The following RIN3 variants were observed in gnomAD, a reference collection of about 807,000 sequenced individuals.
RIN3 encodes the protein RAB5 interacting protein 3.
Under a neutral mutation model 76.3 loss-of-function variants are expected in RIN3, and 54 were observed. The ratio of observed to expected loss-of-function variants is 0.71; its 90% CI spans 0.57 to 0.89. The LOEUF (loss-of-function observed/expected upper bound fraction) is 0.89, where lower values mean the gene tolerates loss of function less well. RIN3 is among the 40% of genes least tolerant of loss of function. The pLI, the probability that RIN3 is intolerant of heterozygous loss-of-function variation, is 0.00. For synonymous variants in RIN3, 576 were observed against 564.0 expected (o/e 1.02, Z -0.30); for missense variants, 1,256 against 1,322.1 (o/e 0.95, Z 0.78).
At chr14:92,613,665 G>GGGAAGA (rs1256983065) in intron 3 of RIN3, among the ~76,000 whole-genome samples, 3 of 152,176 alleles carry the variant, frequency 2.0e-5, no homozygotes, top group Non-Finnish European at 4.4e-5. Context: ...TGTGGCTTTA[G>GGGAAGA]GGAAGAGCTC....
chr14:92,585,851 G>A (rs1884754835), intron 3 of RIN3, among the ~76,000 whole-genome samples: 1 of 152,150 alleles, frequency 6.6e-6, no homozygotes, highest in South Asian at 2.1e-4. Context: ...AAAAAGTAAG[G>A]AGTGATTATT....
In RIN3 at chr14:92,521,253, G is replaced by GCATC. The variant is rs202125536; in HGVS notation, c.44+7292_44+7295dup. Among the ~76,000 whole-genome samples, 2,398 of 151,344 alleles carry GCATC rather than the reference G, an allele frequency of 0.016. 119 individuals carry two copies. The East Asian group carries it at 0.2, about 12-fold the overall frequency. On this transcript the variant is annotated intron_variant, in intron 1 of 9. Coordinates refer to ENST00000216487, the MANE Select transcript of RIN3 (RefSeq NM_024832.5). ...TCCATCCATTTATCTATCCATCCATGCATCCATCCATCCATCCACTCACCT... is the reference window on the plus strand; with the variant it reads ...TCCATCCATTTATCTATCCATCCATGCATCCATCCATCCATCCATCCACTCACCT...
Position 92,681,361 on chromosome 14 carries a change from G to T in RIN3, c.2468-3626G>T, listed in dbSNP as rs1888656117. Reference sequence around the variant, plus strand: ...ACCAAGAGTGCAGCAGTAGGGCGTGGCTGCTCCCCTTTCACCTGCGAGGGT... The same window carrying T: ...ACCAAGAGTGCAGCAGTAGGGCGTGTCTGCTCCCCTTTCACCTGCGAGGGT... On this transcript the variant is annotated intron_variant, in intron 8 of 9. Coordinates refer to ENST00000216487, the MANE Select transcript of RIN3 (RefSeq NM_024832.5). This position sits in a 1 kb window ranked among gnomAD's most constrained non-coding sequence, Gnocchi z 4.7. Among the ~76,000 whole-genome samples, 1 of 152,210 alleles carries T rather than the reference G, an allele frequency of 6.6e-6. No individual in the cohort carries two copies. The highest frequency in any genetic ancestry group is 1.5e-5 in the Non-Finnish European group (1 of 68,032).
intron 1 of RIN3, among the ~76,000 whole-genome samples, chr14:92,546,021 G>C (rs58052182): frequency 0.29 from 43,406 of 151,622 alleles, 6,741 homozygotes; most frequent in Middle Eastern, 0.4. Flanking sequence ...TGCTTCCCGG[G>C]TTTAAGCGAT....
intron 1 of RIN3, among the ~76,000 whole-genome samples, chr14:92,551,361 G>A (rs1897420011): frequency 6.6e-6 from 1 of 152,156 alleles, no homozygotes; most frequent in Non-Finnish European, 1.5e-5. Flanking sequence ...GCCGCTGATG[G>A]ACACTGGAAC....
chr14:92,671,208 C>T (rs992563276), intron 7 of RIN3, among the ~76,000 whole-genome samples: 1 of 152,130 alleles, frequency 6.6e-6, no homozygotes, highest in Non-Finnish European at 1.5e-5. Context: ...AAGAAGGGGG[C>T]AGGCTCTGAA....
intron 5 of RIN3, among the ~76,000 whole-genome samples, chr14:92,649,291 G>C (rs4424848): frequency 6.6e-6 from 1 of 152,228 alleles, no homozygotes; most frequent in South Asian, 2.1e-4. Context: ...GGTGGGCACC[G>C]GGGGTCTCAG....
chr14:92,684,337 G>A (rs1358229135), intron 8 of RIN3, among the ~76,000 whole-genome samples: 1 of 137,200 alleles, frequency 7.3e-6, no homozygotes, highest in Non-Finnish European at 1.5e-5. Flanking sequence ...CCGAGATCAC[G>A]CCACTGCACT....
intron 4 of RIN3, among the ~76,000 whole-genome samples, chr14:92,628,792 AT>A (rs199573473): frequency 6.6e-6 from 1 of 152,140 alleles, no homozygotes; most frequent in Non-Finnish European, 1.5e-5. Flanking sequence ...CTCAGAAAAT[AT>A]TTTTTTTAAA....
At chr14:92,597,061 G>T (rs1241849876) in intron 3 of RIN3, among the ~76,000 whole-genome samples, 1 of 152,180 alleles carries the variant, frequency 6.6e-6, no homozygotes, top group Admixed American at 6.5e-5. Context: ...TCTAGAAAAT[G>T]CGGATGGTAA....
chr14:92,585,259 C>G (rs1884728298), intron 3 of RIN3, among the ~76,000 whole-genome samples: 1 of 152,130 alleles, frequency 6.6e-6, no homozygotes, highest in African/African-American at 2.4e-5. Flanking sequence ...GCTGGATTTA[C>G]ATTTTGATTT....
chr14:92,570,659 CA>C (rs11393617), intron 2 of RIN3, among the ~76,000 whole-genome samples: 21 of 144,854 alleles, frequency 1.4e-4, no homozygotes, highest in Admixed American at 4.8e-4. Context: ...GAGACTGTCT[CA>C]AAAAAAAAAA....
chr14:92,624,139 T>C (rs1327023302), intron 4 of RIN3, among the ~76,000 whole-genome samples: 1 of 152,262 alleles, frequency 6.6e-6, no homozygotes, highest in Non-Finnish European at 1.5e-5. Context: ...AGGCATTTGT[T>C]TCTTTGTATC....
At chr14:92,549,285 C>A (rs1451276489) in intron 1 of RIN3, among the ~76,000 whole-genome samples, 2 of 152,208 alleles carry the variant, frequency 1.3e-5, no homozygotes, top group Admixed American at 1.3e-4. Flanking sequence ...CTCCCGCCCC[C>A]TGGCGTGTTC....
intron 5 of RIN3, among the ~76,000 whole-genome samples, chr14:92,650,381 C>A (rs1184287697): frequency 6.6e-6 from 1 of 152,200 alleles, no homozygotes; most frequent in Admixed American, 6.5e-5. Context: ...GATCAGGGGT[C>A]GGCAAGATAA....
intron 1 of RIN3, among the ~76,000 whole-genome samples, chr14:92,523,335 C>T (rs1896647045): frequency 6.6e-6 from 1 of 152,216 alleles, no homozygotes; most frequent in African/African-American, 2.4e-5. Context: ...TGGTCTTGAA[C>T]TCCTGTCCTC....
intron 3 of RIN3, among the ~76,000 whole-genome samples, chr14:92,593,722 A>T (rs921153654): frequency 6.6e-6 from 1 of 152,246 alleles, no homozygotes; most frequent in African/African-American, 2.4e-5. Context: ...AGGTAACTTT[A>T]TTAATTTCAG....
In RIN3 at chr14:92,688,261, C is replaced by T. The variant is rs369704306; in HGVS notation, c.*9C>T. 3.8e-6 allele frequency: 6 copies of T among 1,560,392 alleles called. No individual in the cohort carries two copies. The Admixed American group carries it at 7.3e-5, about 19-fold the overall frequency. On this transcript the variant is annotated 3_prime_UTR_variant, in exon 10 of 10. Coordinates refer to ENST00000216487, the MANE Select transcript of RIN3 (RefSeq NM_024832.5). ...AGCCCAACTTCCTGTGAGGCCCTCCCGGGGCGCCTCCCCTCACCCCCAGGC... is the reference window on the plus strand; with the variant it reads ...AGCCCAACTTCCTGTGAGGCCCTCCTGGGGCGCCTCCCCTCACCCCCAGGC...
Position 92,666,514 on chromosome 14 carries a change from T to C in RIN3, c.2335+7045T>C, listed in dbSNP as rs1888111007. ...AGTTTAGGGCCCTGGGTTCGGCAAA[T>C]TGGGGAGTTCACGGAAGCAAATGGC... On this transcript the variant is annotated intron_variant, in intron 7 of 9. Transcript: ENST00000216487. Among the ~76,000 whole-genome samples, 3 of 152,070 alleles carry C rather than the reference T, an allele frequency of 2.0e-5. No individual in the cohort carries two copies. The South Asian group carries it at 6.2e-4, about 32-fold the overall frequency.
Sources: gnomAD v4.1 joint callset for allele counts (sites outside exome capture counted in the v4.1 genomes callset) on GRCh38, gnomAD v4.1.1 for gene constraint, Gnocchi (gnomAD v3.1) non-coding constraint, MANE v1.5 for transcripts, NCBI Gene and HGNC (gene_info 2026-07-23, HGNC 2026-07-21) for gene names.